SNX31: variants seen among roughly 807,000 people sequenced by gnomAD.
SNX31 encodes the protein sorting nexin-31.
SNX31 carries 58 observed loss-of-function variants against 65.4 expected under a neutral mutation model. That is an observed-to-expected ratio of 0.89 (90% CI 0.72 to 1.10). The LOEUF (loss-of-function observed/expected upper bound fraction) is 1.10. Ranked by LOEUF, SNX31 falls within the 50% of genes least tolerant of loss-of-function variation. The pLI, the probability that SNX31 is intolerant of heterozygous loss-of-function variation, is 0.00. For synonymous variants in SNX31, 181 were observed against 190.1 expected (o/e 0.95, Z 0.39); for missense variants, 523 against 529.7 (o/e 0.99, Z 0.12).
chr8:100,657,546 C>T (rs1820071685), intron 1 of SNX31, among the ~76,000 whole-genome samples: 1 of 151,748 alleles, frequency 6.6e-6, no homozygotes, highest in Non-Finnish European at 1.5e-5. Flanking sequence ...AACAGGCTTG[C>T]TGGCCAAGGA....
At chr8:100,641,599 CAT>C (rs61328718) in intron 2 of SNX31, among the ~76,000 whole-genome samples, 32,592 of 63,198 alleles carry the variant, frequency 0.52, 8,599 homozygotes, top group South Asian at 0.63. Flanking sequence ...TATATATACA[CAT>C]ACACACACAC....
At chr8:100,638,511 CA>C (rs1190854357) in intron 2 of SNX31, among the ~76,000 whole-genome samples, 1 of 152,154 alleles carries the variant, frequency 6.6e-6, no homozygotes, top group Admixed American at 6.5e-5. Flanking sequence ...TGCCCGTGGG[CA>C]AAACACACTT....
chr8:100,656,867 C>G (rs1454365383), intron 1 of SNX31, among the ~76,000 whole-genome samples: 3 of 152,154 alleles, frequency 2.0e-5, no homozygotes, highest in Non-Finnish European at 4.4e-5. Context: ...TAGATCCTCT[C>G]TTCATGTGTA....
chr8:100,595,864 C>G (rs1249360646), intron 10 of SNX31, among the ~76,000 whole-genome samples: 2 of 152,134 alleles, frequency 1.3e-5, no homozygotes, highest in African/African-American at 4.8e-5. Context: ...AGGAATGATG[C>G]TAGAATGCAA....
chr8:100,620,653 G>A (rs1228450487), intron 4 of SNX31, among the ~76,000 whole-genome samples: 1 of 152,128 alleles, frequency 6.6e-6, no homozygotes, highest in Non-Finnish European at 1.5e-5. Flanking sequence ...TATATTTATT[G>A]TATACAACTA....
In SNX31 at chr8:100,578,684, TTTTTA is replaced by T. The variant is rs138548509; in HGVS notation, c.1171-1614_1171-1610del. On this transcript the variant is annotated intron_variant, in intron 12 of 13. Coordinates refer to ENST00000311812, the MANE Select transcript of SNX31 (RefSeq NM_152628.4). The surrounding 1 kb of genome is among the most constrained non-coding windows in gnomAD (Gnocchi z 4.7). ...ACATATTTAAGCCTATTTCAATGAT[TTTTTA>T]TTTTATTTTATTTTATTTTATTTTA... Among the ~76,000 whole-genome samples, 14,343 of 145,388 alleles carry T rather than the reference TTTTTA, an allele frequency of 0.099. 1,028 individuals carry two copies. Among genetic ancestry groups the T allele is most frequent in the Admixed American group, 0.19 (2,724 of 14,602 alleles).
At chr8:100,611,870 CAG>C (rs1816742138) in intron 7 of SNX31, 128 bp downstream of exon 7, 1 of 710,192 alleles carries the variant, frequency 1.4e-6, no homozygotes. Context: ...TTGCTTTTCT[CAG>C]AGCCTTCTCT....
At chr8:100,607,934 C>G (rs887610016) in intron 8 of SNX31, among the ~76,000 whole-genome samples, 6 of 152,218 alleles carry the variant, frequency 3.9e-5, no homozygotes, top group Admixed American at 3.9e-4. Flanking sequence ...ACATGCCCAC[C>G]CAGCTGGAGC....
upstream of SNX31, chr8:100,649,783 C>T (rs868779427): frequency 4.9e-6 from 2 of 407,680 alleles, no homozygotes; most frequent in Non-Finnish European, 8.6e-6. Flanking sequence ...GCCACCCCCA[C>T]CCCGGACATC....
chr8:100,578,682 ATTTTTTATTT>A lies in SNX31; in HGVS notation c.1171-1617_1171-1608del, dbSNP rs998814747. Reference sequence around the variant, plus strand: ...TCACATATTTAAGCCTATTTCAATGATTTTTTATTTTATTTTATTTTATTTTATTTTATTT... The same window carrying A: ...TCACATATTTAAGCCTATTTCAATGATATTTTATTTTATTTTATTTTATTT... On this transcript the variant is annotated intron_variant, in intron 12 of 13. Coordinates refer to ENST00000311812, the MANE Select transcript of SNX31 (RefSeq NM_152628.4). This position sits in a 1 kb window ranked among gnomAD's most constrained non-coding sequence, Gnocchi z 4.7. Among the ~76,000 whole-genome samples, 1 of 137,972 alleles carries A rather than the reference ATTTTTTATTT, an allele frequency of 7.2e-6. No homozygotes were observed. The highest frequency in any genetic ancestry group is 1.6e-5 in the Non-Finnish European group (1 of 62,986). 90.5% of individuals were successfully genotyped at this position (137,972 alleles called of 152,430 possible). A position where few individuals can be genotyped will look rare whatever the true frequency, so the allele number is the denominator to read the frequency against.
At chr8:100,595,096 C>A (rs528060258) in intron 10 of SNX31, among the ~76,000 whole-genome samples, 19 of 152,312 alleles carry the variant, frequency 1.2e-4, no homozygotes, top group African/African-American at 4.6e-4. Context: ...AAGGCACATT[C>A]TTTTAAGATA....
At chr8:100,645,524 T>C (rs1040120374) in intron 2 of SNX31, among the ~76,000 whole-genome samples, 6 of 152,192 alleles carry the variant, frequency 3.9e-5, no homozygotes, top group African/African-American at 1.4e-4. Flanking sequence ...AAAAATTGTT[T>C]GTTGTTGATT....
intron 2 of SNX31, among the ~76,000 whole-genome samples, chr8:100,646,781 T>G (rs1819671324): frequency 6.6e-6 from 1 of 152,240 alleles, no homozygotes. Flanking sequence ...TTACATTACA[T>G]GATTCCAAAA....
intron 2 of SNX31, among the ~76,000 whole-genome samples, chr8:100,646,613 T>C (rs773068349): frequency 6.6e-6 from 1 of 152,172 alleles, no homozygotes; most frequent in African/African-American, 2.4e-5. Flanking sequence ...AAATATGTCA[T>C]AGTAGTACAT....
intron 12 of SNX31, among the ~76,000 whole-genome samples, chr8:100,582,985 A>G (rs1427221667): frequency 6.6e-6 from 1 of 151,894 alleles, no homozygotes; most frequent in African/African-American, 2.4e-5. Flanking sequence ...CCATCTAAAA[A>G]AAAAAAGAAA....
Position 100,573,766 on chromosome 8 carries a change from A to G in SNX31, c.*99T>C, listed in dbSNP as rs1034987643. 1 of 735,048 alleles carries G rather than the reference A, an allele frequency of 1.4e-6. No homozygotes were observed. Among genetic ancestry groups the G allele is most frequent in the Non-Finnish European group, 2.2e-6 (1 of 461,276 alleles). 45.5% of individuals were successfully genotyped at this position (735,048 alleles called of 1,614,324 possible). A position where few individuals can be genotyped will look rare whatever the true frequency, so the allele number is the denominator to read the frequency against. ...ATGCCAAAAAAATGGGAAGAGGTCAAATTTCCTCCACTGATGGTAGGTAGC... is the reference window on the plus strand; with the variant it reads ...ATGCCAAAAAAATGGGAAGAGGTCAGATTTCCTCCACTGATGGTAGGTAGC... On this transcript the variant is annotated 3_prime_UTR_variant, in exon 14 of 14. Transcript: ENST00000311812.
At position 100,648,032 on chromosome 8, in the gene SNX31, C is replaced by A. The variant is rs1258144003; in HGVS notation, c.141+1242G>T. On this transcript the variant is annotated intron_variant, in intron 2 of 13. Coordinates refer to ENST00000311812, the MANE Select transcript of SNX31 (RefSeq NM_152628.4). This position sits in a 1 kb window ranked among gnomAD's most constrained non-coding sequence, Gnocchi z 4.3. ...ATACAAAGATGACCACTCAAATTAACTAGTAACCACATTACAACTGTTCTT... is the reference window on the plus strand; with the variant it reads ...ATACAAAGATGACCACTCAAATTAAATAGTAACCACATTACAACTGTTCTT... Among the ~76,000 whole-genome samples the A allele has an allele frequency of 6.6e-6, 1 of 152,258 alleles. No homozygotes were observed.
chr8:100,641,625 CATATATATAT>C (rs368399829), intron 2 of SNX31, among the ~76,000 whole-genome samples: 1,105 of 48,612 alleles, frequency 0.023, 20 homozygotes, highest in African/African-American at 0.044. Flanking sequence ...CACACACGCG[CATATATATAT>C]ATATATATAT....
intron 2 of SNX31, among the ~76,000 whole-genome samples, chr8:100,641,290 A>C (rs1262499063): frequency 6.6e-6 from 1 of 151,710 alleles, no homozygotes; most frequent in Non-Finnish European, 1.5e-5. Context: ...TCATCTCAAC[A>C]CTTTGGGAGG....
Sources: gnomAD v4.1 joint callset for allele counts (sites outside exome capture counted in the v4.1 genomes callset) on GRCh38, gnomAD v4.1.1 for gene constraint, Gnocchi (gnomAD v3.1) non-coding constraint, MANE v1.5 for transcripts, NCBI Gene and HGNC (gene_info 2026-07-23, HGNC 2026-07-21) for gene names.